CEP350: variants seen among roughly 807,000 people sequenced by gnomAD.
CEP350 encodes the protein centrosome-associated protein 350.
In CEP350, 126 loss-of-function variants were observed where a neutral mutation model predicts 331.8. The observed-to-expected ratio is 0.38, with a 90% CI of 0.33 to 0.44. The LOEUF is 0.44. Among genes scored for constraint, CEP350 ranks in the 20% least tolerant of loss-of-function variants. The pLI, the probability that CEP350 is intolerant of heterozygous loss-of-function variation, is 1.00. For missense variants in CEP350, 3,406 were observed against 3,634.6 expected, an observed-to-expected ratio of 0.94 and a Z score of 1.62; for synonymous variants, 1,200 against 1,259.5, an observed-to-expected ratio of 0.95 and a Z score of 1.00.
intron 22 of CEP350, among the ~76,000 whole-genome samples, chr1:180,051,388 A>T (rs1657489672): frequency 2.6e-5 from 4 of 152,222 alleles, no homozygotes; most frequent in African/African-American, 9.6e-5. Context: ...TTTATATGAC[A>T]GTCTGTAAAA....
At chr1:180,048,469 T>A in intron 21 of CEP350, 67 bp from the exon 22 acceptor site, 1 of 1,038,578 alleles carries the variant, frequency 9.6e-7, no homozygotes, top group Non-Finnish European at 1.4e-6. Context: ...CCAAATAAGT[T>A]TACTTTGAAG....
At chr1:180,072,650 G>A (rs1034738403) in intron 27 of CEP350, among the ~76,000 whole-genome samples, 3 of 152,072 alleles carry the variant, frequency 2.0e-5, no homozygotes, top group South Asian at 2.1e-4. Context: ...GTGTTTTTGC[G>A]TGTGTGTATG....
chr1:180,004,587 A>G (rs940946937), intron 7 of CEP350, among the ~76,000 whole-genome samples: 1 of 152,150 alleles, frequency 6.6e-6, no homozygotes, highest in South Asian at 2.1e-4. Context: ...ATTGTCTTCA[A>G]TTTGTCTCCT....
chr1:180,068,384 G>T (rs1010935566), intron 27 of CEP350, among the ~76,000 whole-genome samples: 1 of 152,024 alleles, frequency 6.6e-6, no homozygotes, highest in African/African-American at 2.4e-5. Flanking sequence ...AAATGTGAAA[G>T]ACATTAATAA....
intron 21 of CEP350, 120 bp downstream of exon 21, chr1:180,044,293 A>G (rs1656970703): frequency 2.0e-6 from 2 of 1,011,748 alleles, no homozygotes; most frequent in Admixed American, 7.6e-5. Context: ...GTGCCCTTCA[A>G]AGTGCTGGCT....
intron 33 of CEP350, among the ~76,000 whole-genome samples, chr1:180,091,549 G>C (rs1377891096): frequency 1.3e-5 from 2 of 152,048 alleles, no homozygotes; most frequent in African/African-American, 2.4e-5. Flanking sequence ...ATAAAATGTA[G>C]GCTAGGCGCA....
rs74579923 is a variant in CEP350 at position 180,109,139 on chromosome 1, G to A, written c.9190-1858G>A. On this transcript the variant is annotated intron_variant, in intron 37 of 37. Coordinates refer to ENST00000367607, the MANE Select transcript of CEP350 (RefSeq NM_014810.5). ...TCACTTTCTCTTTTTTTTTTTTTTT[G>A]AGATGGAGTCACTCTGTCGCCTAGG... Among the ~76,000 whole-genome samples the A allele has an allele frequency of 3.2e-3, 156 of 49,398 alleles. 2 individuals are homozygous for A. Among genetic ancestry groups the A allele is most frequent in the Admixed American group, 0.017 (82 of 4,830 alleles). The allele number at this position is 49,398 out of a possible 152,430, so 32.4% of individuals were successfully genotyped here.
At chr1:180,023,345 A>G (rs932710296) in intron 13 of CEP350, among the ~76,000 whole-genome samples, 1 of 152,166 alleles carries the variant, frequency 6.6e-6, no homozygotes, top group South Asian at 2.1e-4. Flanking sequence ...AGGTTATGAA[A>G]TCAGTCCATG....
chr1:179,982,640 A>G (rs943779407), intron 1 of CEP350, among the ~76,000 whole-genome samples: 3 of 152,194 alleles, frequency 2.0e-5, no homozygotes, highest in African/African-American at 7.2e-5. Flanking sequence ...TAATCACTAT[A>G]TATTTCAGCA....
intron 21 of CEP350, among the ~76,000 whole-genome samples, chr1:180,044,753 A>T (rs1657009277): frequency 1.3e-5 from 2 of 151,336 alleles, no homozygotes; most frequent in African/African-American, 4.9e-5. Flanking sequence ...GGTGCAGCAC[A>T]CCAACATGGC....
intron 21 of CEP350, among the ~76,000 whole-genome samples, chr1:180,047,575 A>G (rs1371850491): frequency 6.0e-4 from 91 of 151,790 alleles, no homozygotes; most frequent in African/African-American, 2.2e-3. Context: ...TGGCCAACAT[A>G]GCGAAGCCCC....
At chr1:179,976,802 T>A (rs1051376420) in intron 1 of CEP350, among the ~76,000 whole-genome samples, 1 of 152,210 alleles carries the variant, frequency 6.6e-6, no homozygotes, top group Non-Finnish European at 1.5e-5. Flanking sequence ...TGTTGGATCC[T>A]CTTTTTCTGT....
chr1:179,966,019 C>G (rs1650988295), intron 1 of CEP350, among the ~76,000 whole-genome samples: 1 of 152,116 alleles, frequency 6.6e-6, no homozygotes. Flanking sequence ...AGAAAGCCTT[C>G]TCTGTACCTG....
In CEP350 at chr1:180,034,090, G is replaced by GATTCATGCA; in HGVS notation, c.3946+12_3946+20dup. The GATTCATGCA allele has an allele frequency of 6.2e-7, 1 of 1,606,642 alleles. No individual in the cohort carries two copies. Among genetic ancestry groups the GATTCATGCA allele is most frequent in the Non-Finnish European group, 8.5e-7 (1 of 1,176,656 alleles). ...ACATGGCTCCAATACCAGGTAAGTA[G>GATTCATGCA]ATTCATGCAATTGTAATTTTTAGAA... On this transcript the variant is annotated intron_variant, in intron 16 of 37. Transcript: ENST00000367607.
At chr1:179,968,351 AG>A (rs1409513521) in intron 1 of CEP350, among the ~76,000 whole-genome samples, 1 of 149,776 alleles carries the variant, frequency 6.7e-6, no homozygotes, top group Admixed American at 6.6e-5. Flanking sequence ...AAAAAAAAAG[AG>A]GAATAAAATA....
intron 21 of CEP350, among the ~76,000 whole-genome samples, chr1:180,047,633 A>G (rs1290077335): frequency 1.3e-5 from 2 of 151,568 alleles, no homozygotes; most frequent in Non-Finnish European, 2.9e-5. Flanking sequence ...GTTGTGGCAC[A>G]TGCCTGTAAT....
At chr1:179,996,139 C>G (rs1653442350) in intron 5 of CEP350, among the ~76,000 whole-genome samples, 1 of 151,978 alleles carries the variant, frequency 6.6e-6, no homozygotes, top group Non-Finnish European at 1.5e-5. Context: ...GATTATTTGC[C>G]ATTTTACTTG....
intron 16 of CEP350, 93 bp from the exon 17 acceptor site, chr1:180,036,833 A>G (rs1445575913): frequency 5.8e-6 from 8 of 1,375,500 alleles, no homozygotes. Flanking sequence ...AAAGGAAAGC[A>G]AAGTTGATTT....
chr1:179,991,945 T>C (rs1653129037), intron 4 of CEP350, 117 bp from the exon 5 acceptor site: 3 of 953,470 alleles, frequency 3.1e-6, no homozygotes, highest in African/African-American at 1.8e-5. Flanking sequence ...AGATAACTTA[T>C]ATAATATCCA....
Sources: gnomAD v4.1 joint callset for allele counts (sites outside exome capture counted in the v4.1 genomes callset) on GRCh38, gnomAD v4.1.1 for gene constraint, MANE v1.5 for transcripts, NCBI Gene and HGNC (gene_info 2026-07-23, HGNC 2026-07-21) for gene names.